Variants in KMT2C observed in about 807,000 individuals in gnomAD.
KMT2C encodes lysine methyltransferase 2C, also known as histone-lysine N-methyltransferase 2C.
KMT2C carries 88 observed loss-of-function variants against 507.9 expected under a neutral mutation model. The ratio of observed to expected loss-of-function variants is 0.17; its 90% CI spans 0.15 to 0.21. The LOEUF is 0.21. KMT2C is among the 10% of genes least tolerant of loss of function. KMT2C has a pLI of 1.00. For synonymous variants in KMT2C, 2,049 were observed against 2,080.8 expected, an observed-to-expected ratio of 0.98 and a Z score of 0.42; for missense variants, 4,954 against 5,957.8, an observed-to-expected ratio of 0.83 and a Z score of 5.55.
chr7:152,413,256 T>TAA (rs1337495479), intron 1 of KMT2C, among the ~76,000 whole-genome samples: 1 of 151,994 alleles, frequency 6.6e-6, no homozygotes, highest in Non-Finnish European at 1.5e-5. Flanking sequence ...CTGGGACTAC[T>TAA]AACGCGGGCC....
Position 152,135,523 on chromosome 7 carries a change from A to C in KMT2C, c.*1309T>G, listed in dbSNP as rs570368694. 9.0e-6 allele frequency: 2 copies of C among 221,936 alleles called. No individual in the cohort carries two copies. The highest frequency in any genetic ancestry group is 1.8e-5 in the Non-Finnish European group (2 of 111,190). The allele number at this position is 221,936 out of a possible 1,614,324, so 13.7% of individuals were successfully genotyped here. On this transcript the variant is annotated 3_prime_UTR_variant, in exon 59 of 59. Transcript: ENST00000262189. Reference sequence around the variant, plus strand: ...ATAATCACATCTCCTTTTTTTTTTTAACTTTTTCAAATTTTTGTGTTAAAT... The same window carrying C: ...ATAATCACATCTCCTTTTTTTTTTTCACTTTTTCAAATTTTTGTGTTAAAT...
chr7:152,154,812 T>C (rs374244343), intron 46 of KMT2C: 2 of 169,318 alleles, frequency 1.2e-5, no homozygotes, highest in African/African-American at 4.8e-5. Flanking sequence ...AAAGAGCTGC[T>C]GGTTGGATTT....
Position 152,167,166 on chromosome 7 carries a change from C to G in KMT2C, c.9730G>C (p.Val3244Leu). The G allele has an allele frequency of 6.2e-7, 1 of 1,614,066 alleles. No homozygotes were observed. Among genetic ancestry groups the G allele is most frequent in the Non-Finnish European group, 8.5e-7 (1 of 1,179,950 alleles). ...LKHVTEQQSM[V>L]QKQLEQIRKQ... ...ATTACCTGTTCTAGCTGTTTCTGAA[C>G]CATGCTTTGCTGTTCAGTAACATGC... Residue 3244 changes from valine to leucine, a missense_variant, in exon 42 of 59, where the codon GTT becomes CTT. Coordinates refer to ENST00000262189, the MANE Select transcript of KMT2C (RefSeq NM_170606.3).
intron 1 of KMT2C, among the ~76,000 whole-genome samples, chr7:152,358,900 G>A (rs1211750948): frequency 6.6e-6 from 1 of 152,130 alleles, no homozygotes; most frequent in Non-Finnish European, 1.5e-5. Flanking sequence ...AGACCCACAT[G>A]AATATAATTG....
intron 51 of KMT2C, among the ~76,000 whole-genome samples, chr7:152,150,102 T>C (rs529970973): frequency 4.6e-5 from 7 of 152,320 alleles, no homozygotes; most frequent in African/African-American, 1.7e-4. Context: ...ACTGGCAGTA[T>C]TACTGTACAG....
At chr7:152,202,157 T>C (rs577827204) in intron 26 of KMT2C, among the ~76,000 whole-genome samples, 9 of 152,360 alleles carry the variant, frequency 5.9e-5, no homozygotes, top group South Asian at 2.1e-4. Context: ...AGATGAATAG[T>C]TGTCTACAAT....
At chr7:152,264,643 T>C (rs2095833397) in intron 8 of KMT2C, among the ~76,000 whole-genome samples, 1 of 152,130 alleles carries the variant, frequency 6.6e-6, no homozygotes, top group African/African-American at 2.4e-5. Context: ...GTTTAAATCC[T>C]ATTAAATCTC....
At position 152,152,872 on chromosome 7, in the gene KMT2C, T is replaced by A. The variant is rs2091748855; in HGVS notation, c.12359A>T (p.Asp4120Val). 6.2e-7 allele frequency: 1 copy of A among 1,614,116 alleles called. No homozygotes were observed. The highest frequency in any genetic ancestry group is 1.1e-5 in the South Asian group (1 of 91,078). Residue 4120 changes from aspartate (D) to valine (V), a missense_variant, in exon 49 of 59, where the codon GAT becomes GTT. Asp to Val is a radical substitution (Grantham distance 152). Transcript: ENST00000262189. ...PNSYEVSSAP[D>V]VPSMGLVSSH... ...ACTGACCAAACCCATGGATGGGACA[T>A]CTGGAGCACTGCTAACCTCATAGCT...
At chr7:152,369,402 C>A (rs914396915) in intron 1 of KMT2C, among the ~76,000 whole-genome samples, 9 of 151,090 alleles carry the variant, frequency 6.0e-5, no homozygotes. Context: ...TTTAAAAACT[C>A]AAATCAAAAT....
chr7:152,255,109 T>TTATATATATATATATA (rs1207305132), intron 9 of KMT2C, among the ~76,000 whole-genome samples: 51 of 78,334 alleles, frequency 6.5e-4, no homozygotes, highest in Admixed American at 9.8e-4. Context: ...CAACTCTCAC[T>TTATATATATATATATA]TATATATATA....
intron 6 of KMT2C, among the ~76,000 whole-genome samples, chr7:152,274,419 A>T (rs1396484271): frequency 6.6e-6 from 1 of 152,192 alleles, no homozygotes; most frequent in African/African-American, 2.4e-5. Flanking sequence ...ATTTCTTAAC[A>T]AAAGATGGAA....
intron 42 of KMT2C, among the ~76,000 whole-genome samples, chr7:152,164,863 A>G (rs1563212886): frequency 6.6e-6 from 1 of 152,226 alleles, no homozygotes; most frequent in Non-Finnish European, 1.5e-5. Flanking sequence ...GACGCAAACT[A>G]TGTTCTGGAG....
rs200723479 is a variant in KMT2C at position 152,358,548 on chromosome 7, C to T, written c.250+39G>A. On this transcript the variant is annotated intron_variant, in intron 2 of 58. Transcript: ENST00000262189. Reference sequence around the variant, plus strand: ...ATGCAGTGTACAAACATATGCAAAGCATCATTATACATTCTTATAAATTCT... The same window carrying T: ...ATGCAGTGTACAAACATATGCAAAGTATCATTATACATTCTTATAAATTCT... 2.7e-4 allele frequency: 326 copies of T among 1,213,608 alleles called. No homozygotes were observed. In the African/African-American group the frequency reaches 4.4e-3, roughly 17 times the overall value. 75.2% of individuals were successfully genotyped at this position (1,213,608 alleles called of 1,614,324 possible). A position where few individuals can be genotyped will look rare whatever the true frequency, so the allele number is the denominator to read the frequency against.
At chr7:152,347,157 T>C (rs2097068165) in intron 2 of KMT2C, among the ~76,000 whole-genome samples, 1 of 151,934 alleles carries the variant, frequency 6.6e-6, no homozygotes, top group Admixed American at 6.6e-5. Flanking sequence ...GAAGAGAAAA[T>C]ACATTTACAA....
chr7:152,297,059 G>GAC (rs1563767704), intron 6 of KMT2C, among the ~76,000 whole-genome samples: 851 of 63,994 alleles, frequency 0.013, 11 homozygotes, highest in East Asian at 0.023. Flanking sequence ...GAAAGACAGA[G>GAC]AGAGAGAGAG....
At chr7:152,416,672 G>C (rs113562486) in intron 1 of KMT2C, among the ~76,000 whole-genome samples, 3 of 148,362 alleles carry the variant, frequency 2.0e-5, no homozygotes, top group Admixed American at 6.7e-5. Context: ...TGCAGTAAGC[G>C]GAGATCATGC....
At chr7:152,413,994 T>G (rs866851027) in intron 1 of KMT2C, among the ~76,000 whole-genome samples, 9 of 150,738 alleles carry the variant, frequency 6.0e-5, no homozygotes, top group Middle Eastern at 3.5e-3. Context: ...GGCGGACCAC[T>G]AGGTCAGAAA....
chr7:152,137,610 A>C (rs141612426), intron 58 of KMT2C: 1 of 152,310 alleles, frequency 6.6e-6, no homozygotes, highest in Non-Finnish European at 1.5e-5. Flanking sequence ...AAGGAAGGAA[A>C]CCAGTGTTTA....
rs1278500152 is a variant in KMT2C, at chr7:152,181,252, T to G, written c.6608A>C (p.Tyr2203Ser). 1.2e-6 allele frequency: 2 copies of G among 1,613,974 alleles called. No individual in the cohort carries two copies. Among genetic ancestry groups the G allele is most frequent in the Non-Finnish European group, 1.7e-6 (2 of 1,179,990 alleles). Residue 2203 changes from tyrosine (Y) to serine (S), a missense_variant, in exon 36 of 59, where the codon TAT becomes TCT. Tyr to Ser is a moderately radical substitution (Grantham distance 144, BLOSUM62 -2). This residue lies in a region of KMT2C where 1,689 missense variants were observed against 1,654.3 expected (regional missense o/e 1.02). Transcript: ENST00000262189. ...TCTTGGTGTTCCAGGAGGATGAGCA[T>G]ATGGATCAGAATGCCTCTGATTTGT... ...PVTNQRHSDP[Y>S]AHPPGTPRPG...
Sources: gnomAD v4.1 joint callset for allele counts (sites outside exome capture counted in the v4.1 genomes callset) on GRCh38, gnomAD v4.1.1 for gene constraint, gnomAD v4.1.1 regional missense constraint, MANE v1.5 for transcripts, NCBI Gene and HGNC (gene_info 2026-07-23, HGNC 2026-07-21) for gene names.